Variants in SLC17A8 observed in about 807,000 individuals in gnomAD.
SLC17A8 encodes solute carrier family 17 member 8.
A neutral mutation model predicts 58.0 loss-of-function variants in SLC17A8; 31 were observed. The observed-to-expected ratio is 0.53, with a 90% CI of 0.40 to 0.72. The LOEUF (loss-of-function observed/expected upper bound fraction) is 0.72, where lower values mean the gene tolerates loss of function less well. Among genes scored for constraint, SLC17A8 ranks in the 30% least tolerant of loss-of-function variants. The pLI is 0.00. For synonymous variants in SLC17A8, 228 were observed against 249.0 expected (o/e 0.92, Z 0.79); for missense variants, 655 against 727.8 (o/e 0.90, Z 1.15).
intron 10 of SLC17A8, among the ~76,000 whole-genome samples, chr12:100,415,795 C>T (rs1243261385): frequency 6.6e-6 from 1 of 152,132 alleles, no homozygotes; most frequent in Non-Finnish European, 1.5e-5. Flanking sequence ...AAAGGTATTG[C>T]TATATTCACT....
intron 1 of SLC17A8, among the ~76,000 whole-genome samples, chr12:100,364,331 T>C (rs1566384983): frequency 6.6e-6 from 1 of 152,320 alleles, no homozygotes; most frequent in East Asian, 1.9e-4. Flanking sequence ...ATTGCTACCC[T>C]TTCCAGGATG....
At chr12:100,404,442 G>T in intron 9 of SLC17A8, 1 of 407,472 alleles carries the variant, frequency 2.5e-6, no homozygotes, top group Non-Finnish European at 4.6e-6. Flanking sequence ...CATATGTTTT[G>T]GTAAGAAACA....
intron 2 of SLC17A8, among the ~76,000 whole-genome samples, chr12:100,390,647 C>T (rs1210333511): frequency 2.6e-5 from 4 of 151,872 alleles, no homozygotes; most frequent in African/African-American, 9.7e-5. Context: ...CGCACCCGGC[C>T]GGTTTTGTTT....
In SLC17A8 at chr12:100,380,718, C is replaced by T. The variant is rs756393034; in HGVS notation, c.119C>T (p.Thr40Ile). 1.2e-6 allele frequency: 2 copies of T among 1,613,804 alleles called. No homozygotes were observed. The highest frequency in any genetic ancestry group is 1.7e-6 in the Non-Finnish European group (2 of 1,179,988). The change falls in exon 2 of 12, where the codon ACT becomes ATT. Residue 40 changes from threonine to isoleucine, a missense_variant. Physicochemically the swap from Thr to Ile is moderately conservative, Grantham distance 89. Transcript: ENST00000323346. ...GILQRKIDGT[T>I]EEEDNIELNE... ...CCATGTAGAAAAATCGATGGGACAA[C>T]TGAGGAAGAAGATAACATTGAGCTG...
chr12:100,363,763 A>G (rs1284492010), intron 1 of SLC17A8, among the ~76,000 whole-genome samples: 1 of 152,074 alleles, frequency 6.6e-6, no homozygotes, highest in Non-Finnish European at 1.5e-5. Flanking sequence ...TTCAGAGGCC[A>G]GGTGCCATGG....
intron 6 of SLC17A8, 107 bp downstream of exon 6, chr12:100,401,970 C>A: frequency 1.1e-6 from 1 of 883,748 alleles, no homozygotes; most frequent in Non-Finnish European, 1.9e-6. Context: ...ATTACTAAAA[C>A]AAGTTTATTG....
chr12:100,361,751 C>T (rs778081378), intron 1 of SLC17A8, among the ~76,000 whole-genome samples: 16 of 152,090 alleles, frequency 1.1e-4, no homozygotes, highest in Non-Finnish European at 1.6e-4. Context: ...TGCCTGAGCT[C>T]AGGAGTTTGA....
In SLC17A8 at chr12:100,385,330, C is replaced by T. The variant is rs144070259; in HGVS notation, c.354+4377C>T. The stretch of plus-strand genomic sequence containing the variant: ...CAGCTCACTGCGACCTCCACCTCCC[C>T]GGTTCAAGCGATTCTACTCCTTAGG... On this transcript the variant is annotated intron_variant, in intron 2 of 11. Transcript: ENST00000323346. 9.1e-3 allele frequency among the ~76,000 whole-genome samples: 1,378 copies of T among 151,232 alleles called. 18 individuals carry two copies. The highest frequency in any genetic ancestry group is 0.031 in the African/African-American group (1,277 of 41,104).
rs1049798150 is a variant in SLC17A8, at chr12:100,402,153, G to A, written c.764-187G>A. On this transcript the variant is annotated intron_variant, in intron 6 of 11. Coordinates refer to ENST00000323346, the MANE Select transcript of SLC17A8 (RefSeq NM_139319.3). ...TTGGAAATATTGTAAAGATCCTTTTGTAGTTCATAAATGTGATAATTGGGT... is the reference window on the plus strand; with the variant it reads ...TTGGAAATATTGTAAAGATCCTTTTATAGTTCATAAATGTGATAATTGGGT... Among the ~76,000 whole-genome samples, 7 of 152,238 alleles carry A rather than the reference G, an allele frequency of 4.6e-5. No homozygotes were observed. The East Asian group carries it at 5.8e-4, about 13-fold the overall frequency.
rs75783202 is a variant in SLC17A8, at chr12:100,393,675, T to C, written c.588+192T>C. Among the ~76,000 whole-genome samples, 621 of 152,346 alleles carry C rather than the reference T, an allele frequency of 4.1e-3. 5 individuals carry two copies. Among genetic ancestry groups the C allele is most frequent in the African/African-American group, 0.014 (573 of 41,580 alleles). On this transcript the variant is annotated intron_variant, in intron 4 of 11. Transcript: ENST00000323346. ...TTAAAATGCCTTGTGTGATTTTACA[T>C]TTATGAACAATAAAGTACCCTTGCA... is the stretch of plus-strand genomic sequence containing the variant.
intron 5 of SLC17A8, among the ~76,000 whole-genome samples, chr12:100,400,655 A>G (rs1952784542): frequency 6.6e-6 from 1 of 152,174 alleles, no homozygotes; most frequent in African/African-American, 2.4e-5. Flanking sequence ...TCTGGGATAT[A>G]GAATTTCCTT....
chr12:100,393,356 T>G lies in SLC17A8; in HGVS notation c.474-13T>G, dbSNP rs2135996678. On this transcript the variant is annotated splice_polypyrimidine_tract_variant and intron_variant, in intron 3 of 11. Coordinates refer to ENST00000323346, the MANE Select transcript of SLC17A8 (RefSeq NM_139319.3). ...GCAGACCTGCCGAATAACACAATGCTTTGGTCCCCCAGGGTCTTTGGAGCT... is the reference window on the plus strand; with the variant it reads ...GCAGACCTGCCGAATAACACAATGCGTTGGTCCCCCAGGGTCTTTGGAGCT... 6.3e-7 allele frequency: 1 copy of G among 1,595,878 alleles called. No homozygotes were observed.
At chr12:100,411,800 C>G (rs1206737038) in intron 9 of SLC17A8, among the ~76,000 whole-genome samples, 1 of 149,342 alleles carries the variant, frequency 6.7e-6, no homozygotes, top group Admixed American at 6.7e-5. Context: ...ACAGAAAGTA[C>G]TTTTGTTCTG....
intron 2 of SLC17A8, among the ~76,000 whole-genome samples, chr12:100,382,741 TG>T (rs1952646402): frequency 6.6e-6 from 1 of 152,224 alleles, no homozygotes; most frequent in East Asian, 1.9e-4. Flanking sequence ...CAATATTTTC[TG>T]GACTGACTTG....
intron 8 of SLC17A8, 75 bp downstream of exon 8, chr12:100,402,820 A>C: frequency 7.1e-7 from 1 of 1,408,350 alleles, no homozygotes; most frequent in South Asian, 1.3e-5. Context: ...TTGTATGATA[A>C]AATAATTAAA....
chr12:100,375,524 C>A (rs1269541435), intron 1 of SLC17A8, among the ~76,000 whole-genome samples: 1 of 152,198 alleles, frequency 6.6e-6, no homozygotes, highest in African/African-American at 2.4e-5. Context: ...GTGCTCAGTT[C>A]TTGGCAGAAT....
At chr12:100,387,145 T>C (rs1952681396) in intron 2 of SLC17A8, among the ~76,000 whole-genome samples, 1 of 152,244 alleles carries the variant, frequency 6.6e-6, no homozygotes, top group African/African-American at 2.4e-5. Context: ...TGCTAAATCA[T>C]ACATTCGTTC....
chr12:100,418,284 A>C, intron 11 of SLC17A8, 128 bp downstream of exon 11: 1 of 1,183,218 alleles, frequency 8.5e-7, no homozygotes, highest in Non-Finnish European at 1.2e-6. Flanking sequence ...AGTCAGCTGA[A>C]CTTCTTTTTT....
At chr12:100,373,983 G>T (rs1405855111) in intron 1 of SLC17A8, among the ~76,000 whole-genome samples, 1 of 152,172 alleles carries the variant, frequency 6.6e-6, no homozygotes, top group Non-Finnish European at 1.5e-5. Flanking sequence ...TGTATAAAAT[G>T]CCAAGGAAAC....
Sources: gnomAD v4.1 joint callset for allele counts (sites outside exome capture counted in the v4.1 genomes callset) on GRCh38, gnomAD v4.1.1 for gene constraint, MANE v1.5 for transcripts, NCBI Gene and HGNC (gene_info 2026-07-23, HGNC 2026-07-21) for gene names.